Variants in TNNI3K observed in about 807,000 individuals in gnomAD.
TNNI3K encodes the protein TNNI3 interacting kinase.
Under a neutral mutation model 114.5 loss-of-function variants are expected in TNNI3K, and 140 were observed. That is an observed-to-expected ratio of 1.22 (90% CI 1.07 to 1.41). The LOEUF is 1.41. Among genes scored for constraint, TNNI3K ranks in the 40% most tolerant of loss-of-function variants. The pLI is 0.00. For missense variants in TNNI3K, 1,125 were observed against 1,007.6 expected (o/e 1.12, Z -1.58); for synonymous variants, 347 against 347.5 (o/e 1.00, Z 0.02).
chr1:74,369,807 A>C (rs1356687492), intron 16 of TNNI3K: 2 of 485,100 alleles, frequency 4.1e-6, no homozygotes, highest in Non-Finnish European at 6.4e-6. Flanking sequence ...TGAAGATAAC[A>C]AATTTAAGGA....
intron 5 of TNNI3K, among the ~76,000 whole-genome samples, chr1:74,295,151 T>C (rs929798899): frequency 7.8e-6 from 1 of 127,564 alleles, no homozygotes; most frequent in East Asian, 2.3e-4. Context: ...ATTGCTAAAT[T>C]TTCAAACATT....
chr1:74,371,490 C>G (rs1358374715), intron 17 of TNNI3K: 1 of 150,488 alleles, frequency 6.6e-6, no homozygotes, highest in Non-Finnish European at 1.5e-5. Flanking sequence ...AACAACAACT[C>G]TATGGAAGGG....
At chr1:74,376,882 T>C (rs185182007) in intron 17 of TNNI3K, 10 of 148,782 alleles carry the variant, frequency 6.7e-5, no homozygotes, top group Non-Finnish European at 1.3e-4. Flanking sequence ...ATGTCTTACG[T>C]TGGGCCTGAG....
chr1:74,335,977 T>C (rs977601477), intron 6 of TNNI3K, 34 bp from the exon 7 acceptor site: 1 of 1,539,376 alleles, frequency 6.5e-7, no homozygotes, highest in Non-Finnish European at 8.7e-7. Context: ...TTGTTTGAAT[T>C]TTTATACTGA....
intron 5 of TNNI3K, among the ~76,000 whole-genome samples, chr1:74,292,863 ATG>A (rs935395832): frequency 4.0e-5 from 6 of 151,552 alleles, no homozygotes; most frequent in African/African-American, 1.4e-4. Context: ...TTTTGATGCT[ATG>A]TGTTATTGAT....
intron 21 of TNNI3K, among the ~76,000 whole-genome samples, chr1:74,484,916 A>C (rs1209508828): frequency 9.9e-5 from 15 of 152,214 alleles, no homozygotes; most frequent in Non-Finnish European, 2.9e-5. Context: ...AGTAGCAAAA[A>C]TAGGAGGCAA....
chr1:74,523,642 A>G (rs1188833834), intron 23 of TNNI3K, among the ~76,000 whole-genome samples: 1 of 152,174 alleles, frequency 6.6e-6, no homozygotes, highest in Non-Finnish European at 1.5e-5. Flanking sequence ...CTCCTACTGT[A>G]TGCCAGGCCC....
Position 74,432,547 on chromosome 1 carries a change from T to A in TNNI3K, c.1773-3533T>A, listed in dbSNP as rs181256894. Among the ~76,000 whole-genome samples, 4 of 152,256 alleles carry A rather than the reference T, an allele frequency of 2.6e-5. No individual in the cohort carries two copies. In the East Asian group the frequency reaches 7.8e-4, roughly 30 times the overall value. Reference sequence around the variant, plus strand: ...TTGCACTTTCCTTGTTTGCAGTGATTATGCTTCCTTAACCTACATTTCTTT... The same window carrying A: ...TTGCACTTTCCTTGTTTGCAGTGATAATGCTTCCTTAACCTACATTTCTTT... On this transcript the variant is annotated intron_variant, in intron 17 of 24. Coordinates refer to ENST00000326637, the MANE Select transcript of TNNI3K (RefSeq NM_015978.3).
intron 21 of TNNI3K, among the ~76,000 whole-genome samples, chr1:74,483,645 A>T (rs1175863278): frequency 6.6e-6 from 1 of 152,246 alleles, no homozygotes; most frequent in Non-Finnish European, 1.5e-5. Context: ...TTGCAAAACA[A>T]TGTATAGTTT....
At chr1:74,291,952 T>C (rs1657703731) in intron 5 of TNNI3K, among the ~76,000 whole-genome samples, 1 of 151,458 alleles carries the variant, frequency 6.6e-6, no homozygotes, top group East Asian at 1.9e-4. Context: ...ATATATCAAG[T>C]GTCCATTTAA....
intron 9 of TNNI3K, 62 bp downstream of exon 9, chr1:74,343,241 T>C: frequency 6.6e-7 from 1 of 1,523,764 alleles, no homozygotes; most frequent in South Asian, 1.2e-5. Flanking sequence ...GCACCTGAAG[T>C]TGTGGGTATA....
intron 23 of TNNI3K, among the ~76,000 whole-genome samples, chr1:74,528,058 G>A (rs2100431673): frequency 6.6e-6 from 1 of 152,282 alleles, no homozygotes; most frequent in Admixed American, 6.5e-5. Flanking sequence ...CAGAATCGAA[G>A]CCCAGGAAGA....
At chr1:74,457,677 C>T (rs1006579451) in intron 20 of TNNI3K, among the ~76,000 whole-genome samples, 2 of 152,106 alleles carry the variant, frequency 1.3e-5, no homozygotes, top group Non-Finnish European at 2.9e-5. Context: ...TAGCGTATTG[C>T]TCTCTTTTTA....
Position 74,367,261 on chromosome 1 carries a change from G to A in TNNI3K, c.1183G>A (p.Asp395Asn). 1.2e-6 allele frequency: 2 copies of A among 1,611,860 alleles called. No individual in the cohort carries two copies. The highest frequency in any genetic ancestry group is 1.7e-6 in the Non-Finnish European group (2 of 1,178,550). ...CTTTGTATCTTTTCATAAAGGGCATGATGCCATTGTCACACTCCTGAAGCA... is the reference window on the plus strand; with the variant it reads ...CTTTGTATCTTTTCATAAAGGGCATAATGCCATTGTCACACTCCTGAAGCA... ...CLMWAYEKGHDAIVTLLKHYK... is the reference protein window; with the variant it reads ...CLMWAYEKGHNAIVTLLKHYK... The change falls in exon 12 of 25, where the codon GAT becomes AAT. Residue 395 changes from aspartate (D) to asparagine (N), a missense_variant. Asp to Asn is a conservative substitution (Grantham distance 23). Coordinates refer to ENST00000326637, the MANE Select transcript of TNNI3K (RefSeq NM_015978.3).
chr1:74,350,067 G>T (rs1661251951), intron 9 of TNNI3K, among the ~76,000 whole-genome samples: 2 of 152,134 alleles, frequency 1.3e-5, no homozygotes, highest in African/African-American at 2.4e-5. Flanking sequence ...TGATGTTAGG[G>T]TGTCAATTTT....
chr1:74,282,271 T>C (rs1427113604), intron 5 of TNNI3K, among the ~76,000 whole-genome samples: 7 of 152,044 alleles, frequency 4.6e-5, no homozygotes, highest in Middle Eastern at 3.2e-3. Context: ...CATCTGCTAC[T>C]TATCACTTGT....
Position 74,467,317 on chromosome 1 carries a change from A to G in TNNI3K, c.2121+3767A>G, listed in dbSNP as rs1667722682. On this transcript the variant is annotated intron_variant, in intron 21 of 24. Coordinates refer to ENST00000326637, the MANE Select transcript of TNNI3K (RefSeq NM_015978.3). ...CATGCTATTCTGGTCATTACTTTCT[A>G]GGTTATCAACTGTGCTTCTCATTTT... Among the ~76,000 whole-genome samples the G allele has an allele frequency of 2.0e-5, 3 of 152,160 alleles. No individual in the cohort carries two copies. In the South Asian group the frequency reaches 6.2e-4, roughly 32 times the overall value.
intron 9 of TNNI3K, among the ~76,000 whole-genome samples, chr1:74,348,585 G>T (rs1661151409): frequency 6.6e-6 from 1 of 152,112 alleles, no homozygotes; most frequent in South Asian, 2.1e-4. Flanking sequence ...AAATTACCTT[G>T]GGCAGTATGG....
In TNNI3K at chr1:74,310,588, TAAAATAGTTTGGTACTGGTACA is replaced by T. The variant is rs1190232529; in HGVS notation, c.445-20859_445-20838del. Among the ~76,000 whole-genome samples, 30 of 152,188 alleles carry T rather than the reference TAAAATAGTTTGGTACTGGTACA, an allele frequency of 2.0e-4. 2 individuals carry two copies. Among genetic ancestry groups the T allele is most frequent in the Middle Eastern group, 3.4e-3 (1 of 294 alleles). On this transcript the variant is annotated intron_variant, in intron 5 of 24. Coordinates refer to ENST00000326637, the MANE Select transcript of TNNI3K (RefSeq NM_015978.3). ...AACTATACTACAAGCCTACAGTAACTAAAATAGTTTGGTACTGGTACAAAGATAGGCATATAGATTAACAGAA... is the reference window on the plus strand; with the variant it reads ...AACTATACTACAAGCCTACAGTAACTAAGATAGGCATATAGATTAACAGAA...
Sources: allele counts gnomAD v4.1 joint callset (sites outside exome capture counted in the v4.1 genomes callset), GRCh38; gene constraint gnomAD v4.1.1; transcripts MANE v1.5; gene names NCBI Gene and HGNC (gene_info 2026-07-23, HGNC 2026-07-21).